PCDHGB1: variants seen among roughly 807,000 people sequenced by gnomAD.
PCDHGB1 encodes the protein protocadherin gamma-B1.
A neutral mutation model predicts 56.6 loss-of-function variants in PCDHGB1; 34 were observed. The ratio of observed to expected loss-of-function variants is 0.60; its 90% confidence interval spans 0.46 to 0.80. The LOEUF is 0.80. Among genes scored for constraint, PCDHGB1 ranks in the 30% least tolerant of loss-of-function variants. The probability of loss-of-function intolerance (pLI) is 0.00; values close to 1 mark genes in which losing one functional copy is unlikely to be tolerated. For synonymous variants in PCDHGB1, 561 were observed against 505.9 expected, an observed-to-expected ratio of 1.11 and a Z score of -1.46; for missense variants, 1,278 against 1,204.6, an observed-to-expected ratio of 1.06 and a Z score of -0.90.
At chr5:141,421,827 C>A in intron 1 of PCDHGB1, 1 of 1,613,802 alleles carries the variant, frequency 6.2e-7, no homozygotes, top group Non-Finnish European at 8.5e-7. Flanking sequence ...TGGAGGGAAG[C>A]CTGGACCGAG....
rs747203804 is a variant in PCDHGB1, at chr5:141,352,291, C to T, written c.2031C>T (p.Pro677=). 20 of 1,614,082 alleles carry T rather than the reference C, an allele frequency of 1.2e-5. No individual in the cohort carries two copies. The highest frequency in any genetic ancestry group is 3.3e-5 in the South Asian group (3 of 91,090). ...CAGACCTCAGCGACCGCCCTGAGCC[C>T]TCTGACCCCCAGACGGAACTGCAGT... ...VLPDLSDRPE[P]SDPQTELQFY... The change falls in exon 1 of 4, where the codon CCC becomes CCT. Residue 677 remains proline, a synonymous_variant. Coordinates refer to ENST00000523390, the MANE Select transcript of PCDHGB1 (RefSeq NM_018922.3).
In PCDHGB1 at chr5:141,486,217, T is replaced by C; in HGVS notation, c.2410-8590T>C. ...TGCTGGACGTAAATGACAATGCCCC[T>C]TACATCACAGTGACCTCAGAGCTTG... On this transcript the variant is annotated intron_variant, in intron 1 of 3. Coordinates refer to ENST00000523390, the MANE Select transcript of PCDHGB1 (RefSeq NM_018922.3). The surrounding 1 kb of genome is among the most constrained non-coding windows in gnomAD (Gnocchi z 5.0). The C allele has an allele frequency of 6.2e-7, 1 of 1,614,120 alleles. No homozygotes were observed.
intron 1 of PCDHGB1, chr5:141,398,904 C>A (rs1487711986): frequency 3.1e-6 from 5 of 1,613,930 alleles, no homozygotes; most frequent in Non-Finnish European, 3.4e-6. Context: ...CACCAGGCAC[C>A]ACTGTGTTGC....
intron 2 of PCDHGB1, among the ~76,000 whole-genome samples, chr5:141,504,143 C>A (rs2099835975): frequency 6.6e-6 from 1 of 152,136 alleles, no homozygotes; most frequent in Non-Finnish European, 1.5e-5. Flanking sequence ...CACTCCCCTG[C>A]AAATTGAAAT....
chr5:141,478,038 G>A lies in PCDHGB1; in HGVS notation c.2410-16769G>A, dbSNP rs1401384720. ...CCAGTCCAAGACACAGATTCACCCA[G>A]GCAGACTCTCACGGTCTTGATCAAA... On this transcript the variant is annotated intron_variant, in intron 1 of 3. Transcript: ENST00000523390. 8 of 1,614,006 alleles carry A rather than the reference G, an allele frequency of 5.0e-6. No homozygotes were observed. In the African/African-American group the frequency reaches 1.1e-4, roughly 22 times the overall value.
Position 141,494,808 on chromosome 5 carries a change from A to G in PCDHGB1, c.2411A>G (p.Gln804Arg). The G allele has an allele frequency of 1.9e-6, 3 of 1,614,014 alleles. No individual in the cohort carries two copies. Among genetic ancestry groups the G allele is most frequent in the Non-Finnish European group, 2.5e-6 (3 of 1,179,982 alleles). The change falls in exon 2 of 4, where the codon CAA becomes CGA. Residue 804 changes from glutamine to arginine, a missense_variant and splice_region_variant. Gln to Arg is a conservative substitution (Grantham distance 43, BLOSUM62 1). Coordinates refer to ENST00000523390, the MANE Select transcript of PCDHGB1 (RefSeq NM_018922.3). ...CCTTTCCCTCTGTTTTCTCCACAGC[A>G]AGCCCCGCCCAACACGGACTGGCGT... ...IAYDPSLSSH[Q>R]APPNTDWRFS...
chr5:141,423,170 A>T (rs755141371), intron 1 of PCDHGB1: 1 of 1,613,504 alleles, frequency 6.2e-7, no homozygotes, highest in South Asian at 1.1e-5. Flanking sequence ...GTGGCCGTCC[A>T]GGACCACGGC....
chr5:141,370,228 C>T (rs1172263446), intron 1 of PCDHGB1: 1 of 585,074 alleles, frequency 1.7e-6, no homozygotes, highest in Non-Finnish European at 2.8e-6. Flanking sequence ...CTGCAGCCAG[C>T]TCGGAAGAAA....
At chr5:141,403,099 C>G in intron 1 of PCDHGB1, 5 of 1,614,056 alleles carry the variant, frequency 3.1e-6, no homozygotes, top group Non-Finnish European at 4.2e-6. Context: ...GCAACATCTC[C>G]AAGGACCTGG....
At chr5:141,407,856 G>A (rs1038275806) in intron 1 of PCDHGB1, among the ~76,000 whole-genome samples, 2 of 152,210 alleles carry the variant, frequency 1.3e-5, no homozygotes, top group African/African-American at 4.8e-5. Context: ...ATGTACACCT[G>A]CATTTTCGAA....
intron 1 of PCDHGB1, chr5:141,418,422 G>T: frequency 6.2e-7 from 1 of 1,613,996 alleles, no homozygotes; most frequent in Non-Finnish European, 8.5e-7. Context: ...AATCCTGATG[G>T]TGGCAAATAT....
In PCDHGB1 at chr5:141,511,223, A is replaced by G. The variant is rs1193308928; in HGVS notation, c.*50A>G. On this transcript the variant is annotated 3_prime_UTR_variant, in exon 4 of 4. Transcript: ENST00000523390. ...AGGGCGGCCTCTCCCCAACCAGCCC[A>G]GCTTCTCCTTACCTGCACCCAGGCC... 1 of 1,604,390 alleles carries G rather than the reference A, an allele frequency of 6.2e-7. No individual in the cohort carries two copies.
Position 141,491,162 on chromosome 5 carries a change from C to T in PCDHGB1, c.2410-3645C>T. 6.2e-7 allele frequency: 1 copy of T among 1,614,112 alleles called. No homozygotes were observed. Among genetic ancestry groups the T allele is most frequent in the Non-Finnish European group, 8.5e-7 (1 of 1,179,952 alleles). On this transcript the variant is annotated intron_variant, in intron 1 of 3. Coordinates refer to ENST00000523390, the MANE Select transcript of PCDHGB1 (RefSeq NM_018922.3). This position sits in a 1 kb window ranked among gnomAD's most constrained non-coding sequence, Gnocchi z 6.9. ...GCCTTACTGGAGGATGACTCTGACA[C>T]CCAGCAGGTGGTGGTCCTGGTGAGG...
At chr5:141,409,792 C>T in intron 1 of PCDHGB1, 1 of 1,612,068 alleles carries the variant, frequency 6.2e-7, no homozygotes, top group African/African-American at 1.3e-5. Flanking sequence ...CCTTCGCGCT[C>T]ACGCTGCAGG....
At chr5:141,502,035 G>C (rs1371892057) in intron 2 of PCDHGB1, among the ~76,000 whole-genome samples, 1 of 152,078 alleles carries the variant, frequency 6.6e-6, no homozygotes, top group Non-Finnish European at 1.5e-5. Context: ...CCCGCCGCTT[G>C]CCTGCTCTCC....
chr5:141,375,647 T>C (rs1265306389), intron 1 of PCDHGB1: 2 of 1,614,038 alleles, frequency 1.2e-6, no homozygotes. Flanking sequence ...CTCCTTCGAC[T>C]ATGAGCAGTT....
rs1163396034 is a variant in PCDHGB1 at position 141,357,533 on chromosome 5, C to T, written c.2409+4864C>T. 6.8e-6 allele frequency: 11 copies of T among 1,614,076 alleles called. No homozygotes were observed. Among genetic ancestry groups the T allele is most frequent in the Non-Finnish European group, 9.3e-6 (11 of 1,180,036 alleles). ...TTCTCCCAACCCAGCTATGCAGACA[C>T]GCTCATCAGCCGGGAGAGTTGTGAG... is the stretch of plus-strand genomic sequence containing the variant. On this transcript the variant is annotated intron_variant, in intron 1 of 3. Transcript: ENST00000523390.
At chr5:141,396,447 C>T (rs1200125693) in intron 1 of PCDHGB1, 2 of 152,068 alleles carry the variant, frequency 1.3e-5, no homozygotes, top group South Asian at 2.1e-4. Flanking sequence ...GGTGAAACCC[C>T]GTCTCTACTA....
In PCDHGB1 at chr5:141,409,573, C is replaced by A. The variant is rs562811168; in HGVS notation, c.2409+56904C>A. 7 of 1,613,816 alleles carry A rather than the reference C, an allele frequency of 4.3e-6. No individual in the cohort carries two copies. In the Admixed American group the frequency reaches 1.2e-4, roughly 27 times the overall value. ...CCCCAGTTTTCGACCAGACGTCCTA[C>A]GTGGTCCACGTGGCCGAGAACAACC... On this transcript the variant is annotated intron_variant, in intron 1 of 3. Transcript: ENST00000523390.
Sources: gnomAD v4.1 joint callset for allele counts (sites outside exome capture counted in the v4.1 genomes callset) on GRCh38, gnomAD v4.1.1 for gene constraint, Gnocchi (gnomAD v3.1) non-coding constraint, MANE v1.5 for transcripts, NCBI Gene and HGNC (gene_info 2026-07-23, HGNC 2026-07-21) for gene names.